ARID2: variants seen among roughly 807,000 people sequenced by gnomAD.
The protein encoded by ARID2 is AT-rich interactive domain-containing protein 2.
A neutral mutation model predicts 184.6 loss-of-function variants in ARID2; 32 were observed. The ratio of observed to expected loss-of-function variants is 0.17; its 90% CI spans 0.13 to 0.23. The LOEUF (loss-of-function observed/expected upper bound fraction) is 0.23. Among genes scored for constraint, ARID2 ranks in the 10% least tolerant of loss-of-function variants. The pLI, the probability that ARID2 is intolerant of heterozygous loss-of-function variation, is 1.00. For missense variants in ARID2, 1,696 were observed against 2,197.6 expected, an observed-to-expected ratio of 0.77 and a Z score of 4.56; for synonymous variants, 836 against 772.6, an observed-to-expected ratio of 1.08 and a Z score of -1.36.
At chr12:45,892,295 G>A (rs577730060) in intron 18 of ARID2, among the ~76,000 whole-genome samples, 199 bp downstream of exon 18, 1 of 152,264 alleles carries the variant, frequency 6.6e-6, no homozygotes, top group African/African-American at 2.4e-5. Flanking sequence ...GGACAATGTG[G>A]TCTGTAAGTT....
chr12:45,849,316 T>A (rs1215640821), intron 13 of ARID2, among the ~76,000 whole-genome samples: 2 of 152,214 alleles, frequency 1.3e-5, no homozygotes, highest in Non-Finnish European at 2.9e-5. Flanking sequence ...TTTTGCAAAG[T>A]ACATAAAAAT....
In ARID2 at chr12:45,904,973, C is replaced by T. The variant is rs1944505733; in HGVS notation, c.5403C>T (p.Ala1801=). ...KRHENNLSVL[A]ISNMEASSTL... is the part of the protein sequence containing the mutation. ...ATGAAAATAACTTATCAGTGCTAGC[C>T]ATTAGTAACATGGAAGCTTCCTCCA... The change falls in exon 21 of 21, where the codon GCC becomes GCT. Residue 1801 remains alanine (A), a synonymous_variant. Coordinates refer to ENST00000334344, the MANE Select transcript of ARID2 (RefSeq NM_152641.4). 3 of 1,613,736 alleles carry T rather than the reference C, an allele frequency of 1.9e-6. No individual in the cohort carries two copies. The highest frequency in any genetic ancestry group is 2.7e-5 in the African/African-American group (2 of 74,858).
chr12:45,775,914 C>T (rs763433796), intron 3 of ARID2, among the ~76,000 whole-genome samples: 1 of 152,116 alleles, frequency 6.6e-6, no homozygotes, highest in African/African-American at 2.4e-5. Context: ...TTTTAACCTA[C>T]GTTGTTGTAA....
At position 45,766,377 on chromosome 12, in the gene ARID2, G is replaced by C. The variant is rs140388694; in HGVS notation, c.284+35063G>C. ...AGAGATGGGTTTCATTATATTGGCC[G>C]AGCTGGTCTTGAACTCCTGACCTCA... On this transcript the variant is annotated intron_variant, in intron 3 of 20. Transcript: ENST00000334344. 5.4e-3 allele frequency among the ~76,000 whole-genome samples: 824 copies of C among 151,498 alleles called. 7 individuals carry two copies. Among genetic ancestry groups the C allele is most frequent in the African/African-American group, 0.019 (786 of 41,272 alleles).
At chr12:45,869,399 A>G (rs888204877) in intron 16 of ARID2, among the ~76,000 whole-genome samples, 2 of 151,004 alleles carry the variant, frequency 1.3e-5, no homozygotes, top group African/African-American at 4.8e-5. Flanking sequence ...AAAAGGTATC[A>G]GCCCATGTTA....
chr12:45,782,603 G>C (rs2138040798), intron 3 of ARID2, among the ~76,000 whole-genome samples: 1 of 152,136 alleles, frequency 6.6e-6, no homozygotes, highest in South Asian at 2.1e-4. Context: ...TTACACTCCA[G>C]CCTGGGCGAC....
chr12:45,813,925 C>T (rs970652618), intron 4 of ARID2, among the ~76,000 whole-genome samples: 15 of 152,026 alleles, frequency 9.9e-5, no homozygotes, highest in Non-Finnish European at 2.1e-4. Context: ...ACTTCAGTTT[C>T]CTTCTTTCTC....
intron 11 of ARID2, among the ~76,000 whole-genome samples, chr12:45,844,924 A>G (rs1402426112): frequency 6.6e-6 from 1 of 152,206 alleles, no homozygotes; most frequent in African/African-American, 2.4e-5. Context: ...AAAATTATCA[A>G]AGAGGAGGTG....
At position 45,851,254 on chromosome 12, in the gene ARID2, A is replaced by G. The variant is rs1209128434; in HGVS notation, c.3131A>G (p.Gln1044Arg). The part of the protein sequence containing the change: ...QQVQMQVQPQ[Q>R]SNAGVGQPAS... ...GTACAGATGCAAGTTCAACCTCAAC[A>G]GTCGAATGCAGGAGTTGGTCAGCCT... The change falls in exon 15 of 21, where the codon CAG (glutamine) becomes CGG (arginine). Residue 1044 changes from glutamine to arginine, a missense_variant. This residue lies in a region of ARID2 where 713 missense variants were observed against 824.4 expected (regional missense o/e 0.86). Coordinates refer to ENST00000334344, the MANE Select transcript of ARID2 (RefSeq NM_152641.4). 1 of 1,614,066 alleles carries G rather than the reference A, an allele frequency of 6.2e-7. No homozygotes were observed. Among genetic ancestry groups the G allele is most frequent in the Non-Finnish European group, 8.5e-7 (1 of 1,180,026 alleles).
At chr12:45,753,711 A>T (rs1565583414) in intron 3 of ARID2, among the ~76,000 whole-genome samples, 1 of 152,112 alleles carries the variant, frequency 6.6e-6, no homozygotes, top group Non-Finnish European at 1.5e-5. Context: ...CTCCCACCTC[A>T]GCCTCCCGAA....
At position 45,852,477 on chromosome 12, in the gene ARID2, C is replaced by T. The variant is rs778010541; in HGVS notation, c.4354C>T (p.Leu1452=). 2 of 1,614,044 alleles carry T rather than the reference C, an allele frequency of 1.2e-6. No homozygotes were observed. Among genetic ancestry groups the T allele is most frequent in the African/African-American group, 2.7e-5 (2 of 74,918 alleles). Residue 1452 remains leucine, a synonymous_variant, in exon 15 of 21, where the codon CTA becomes TTA. Coordinates refer to ENST00000334344, the MANE Select transcript of ARID2 (RefSeq NM_152641.4). ...FSGTDLLNGP[L]ASSLNSDVPQ... The stretch of plus-strand genomic sequence containing the variant: ...TGGTACTGATTTGCTTAATGGACCT[C>T]TAGCTTCAAGTTTGAATTCAGATGT...
intron 5 of ARID2, among the ~76,000 whole-genome samples, chr12:45,818,923 G>A (rs980855609): frequency 2.6e-5 from 4 of 152,046 alleles, no homozygotes; most frequent in Admixed American, 2.6e-4. Flanking sequence ...TGGGGATGTG[G>A]GAAGAAAGAT....
chr12:45,813,358 TG>T (rs1942745409), intron 4 of ARID2, among the ~76,000 whole-genome samples: 1 of 151,824 alleles, frequency 6.6e-6, no homozygotes, highest in Non-Finnish European at 1.5e-5. Flanking sequence ...AAAATTGACA[TG>T]ATTATCAATA....
chr12:45,762,411 G>T (rs907583792), intron 3 of ARID2, among the ~76,000 whole-genome samples: 3 of 152,098 alleles, frequency 2.0e-5, no homozygotes, highest in East Asian at 1.9e-4. Context: ...TTTTAGTCTG[G>T]TATCTCACTG....
intron 3 of ARID2, among the ~76,000 whole-genome samples, chr12:45,764,783 C>T (rs546224718): frequency 6.6e-6 from 1 of 152,102 alleles, no homozygotes; most frequent in East Asian, 1.9e-4. Flanking sequence ...TTGGTTGCTT[C>T]CAGTCTTTGG....
chr12:45,745,086 G>T (rs1941330591), intron 3 of ARID2, among the ~76,000 whole-genome samples: 1 of 152,162 alleles, frequency 6.6e-6, no homozygotes, highest in Non-Finnish European at 1.5e-5. Context: ...AGTCTTATAG[G>T]AATTTACCAA....
intron 3 of ARID2, among the ~76,000 whole-genome samples, chr12:45,789,897 G>A (rs745600967): frequency 2.0e-5 from 3 of 152,132 alleles, no homozygotes; most frequent in Admixed American, 6.5e-5. Flanking sequence ...TGGGAGGGTT[G>A]CTTGAGGCCA....
At chr12:45,821,578 A>G (rs1227300942) in intron 6 of ARID2, 91 bp downstream of exon 6, 1 of 650,322 alleles carries the variant, frequency 1.5e-6, no homozygotes, top group Admixed American at 3.2e-5. Context: ...TATACATAAT[A>G]CTACCTATAC....
intron 3 of ARID2, among the ~76,000 whole-genome samples, chr12:45,768,047 C>G (rs574575084): frequency 9.9e-5 from 15 of 152,258 alleles, no homozygotes; most frequent in African/African-American, 2.6e-4. Context: ...TTGGTAAGAA[C>G]ATTGAATTTC....
Sources: gnomAD v4.1 joint callset for allele counts (sites outside exome capture counted in the v4.1 genomes callset) on GRCh38, gnomAD v4.1.1 for gene constraint, gnomAD v4.1.1 regional missense constraint, MANE v1.5 for transcripts, NCBI Gene and HGNC (gene_info 2026-07-23, HGNC 2026-07-21) for gene names.